Variants in CERKL observed in about 807,000 individuals in gnomAD.
The protein encoded by CERKL is ceramide kinase-like protein.
Under a neutral mutation model 63.4 loss-of-function variants are expected in CERKL, and 61 were observed. That is an observed-to-expected ratio of 0.96 (90% CI 0.78 to 1.19). CERKL has a LOEUF of 1.19. Among genes scored for constraint, CERKL ranks in the 50% most tolerant of loss-of-function variants. The pLI, the probability that CERKL is intolerant of heterozygous loss-of-function variation, is 0.00. For synonymous variants in CERKL, 250 were observed against 230.5 expected, an observed-to-expected ratio of 1.08 and a Z score of -0.77; for missense variants, 675 against 655.5, an observed-to-expected ratio of 1.03 and a Z score of -0.33.
At chr2:181,565,502 C>T (rs1180928247) in intron 4 of CERKL, 15 of 1,608,228 alleles carry the variant, frequency 9.3e-6, no homozygotes, top group East Asian at 6.7e-5. Context: ...CAATGGTTTC[C>T]GATGCCCACT....
chr2:181,566,028 T>A (rs187607846), intron 4 of CERKL, 30 bp downstream of exon 4: 2 of 1,399,618 alleles, frequency 1.4e-6, no homozygotes, highest in Admixed American at 3.4e-5. Flanking sequence ...ATAAATGATA[T>A]AACATATATT....
intron 1 of CERKL, among the ~76,000 whole-genome samples, chr2:181,634,921 C>G (rs947840678): frequency 6.6e-6 from 1 of 152,064 alleles, no homozygotes; most frequent in East Asian, 1.9e-4. Flanking sequence ...TTGGAACTAG[C>G]CATATCACAC....
intron 2 of CERKL, among the ~76,000 whole-genome samples, chr2:181,576,319 ATATTCT>A (rs145424316): frequency 0.36 from 55,216 of 151,574 alleles, 10,317 homozygotes; most frequent in African/African-American, 0.44. Context: ...AAATATTTAT[ATATTCT>A]TAAACTCTGT....
intron 1 of CERKL, among the ~76,000 whole-genome samples, chr2:181,656,266 A>G (rs1688150108): frequency 6.6e-6 from 1 of 152,224 alleles, no homozygotes; most frequent in Non-Finnish European, 1.5e-5. Context: ...AAACACTCCC[A>G]AAGCTCTGGA....
chr2:181,641,037 G>C lies in CERKL; in HGVS notation c.238+15732C>G, dbSNP rs569405271. On this transcript the variant is annotated intron_variant, in intron 1 of 12. Coordinates refer to ENST00000410087, the MANE Select transcript of CERKL (RefSeq NM_201548.5). Reference sequence around the variant, plus strand: ...CATAGCATATTTAGGAATAACATTAGTCTCCAGACGTTCACAGGGTCAGAG... The same window carrying C: ...CATAGCATATTTAGGAATAACATTACTCTCCAGACGTTCACAGGGTCAGAG... Among the ~76,000 whole-genome samples the C allele has an allele frequency of 5.3e-5, 8 of 152,288 alleles. 1 individual carries two copies. The South Asian group carries it at 1.7e-3, about 32-fold the overall frequency.
At chr2:181,599,045 G>A (rs963566840) in intron 2 of CERKL, among the ~76,000 whole-genome samples, 4 of 152,104 alleles carry the variant, frequency 2.6e-5, no homozygotes, top group Non-Finnish European at 4.4e-5. Flanking sequence ...TAACCAAGTT[G>A]AAAACTTTGA....
At chr2:181,555,454 T>G (rs1688162551) in intron 5 of CERKL, among the ~76,000 whole-genome samples, 1 of 152,194 alleles carries the variant, frequency 6.6e-6, no homozygotes, top group Non-Finnish European at 1.5e-5. Context: ...TTTTCCTATA[T>G]ACTCTAGAAT....
chr2:181,630,612 T>C (rs756557407), intron 1 of CERKL, among the ~76,000 whole-genome samples: 2 of 152,164 alleles, frequency 1.3e-5, no homozygotes, highest in African/African-American at 2.4e-5. Flanking sequence ...GTGAGGATGC[T>C]GTATGAAGGT....
At chr2:181,615,605 A>G (rs1477753901) in intron 1 of CERKL, among the ~76,000 whole-genome samples, 1 of 152,254 alleles carries the variant, frequency 6.6e-6, no homozygotes, top group Non-Finnish European at 1.5e-5. Context: ...TGGTTAAGCA[A>G]TGTGATGTCT....
At position 181,548,716 on chromosome 2, in the gene CERKL, C is replaced by G. The variant is rs1687845174; in HGVS notation, c.1037G>C (p.Arg346Thr). 6.2e-7 allele frequency: 1 copy of G among 1,613,926 alleles called. No homozygotes were observed. The highest frequency in any genetic ancestry group is 1.1e-5 in the South Asian group (1 of 91,094). ...KYRWMSPNQR[R>T]DFAVVKALAK... Reference sequence around the variant, plus strand: ...CAGTGCCTTAACAACAGCAAAATCTCTCCGTTGGTTAGGGGACATCCATCG... The same window carrying G: ...CAGTGCCTTAACAACAGCAAAATCTGTCCGTTGGTTAGGGGACATCCATCG... The change falls in exon 7 of 13, where the codon AGA becomes ACA. Residue 346 changes from arginine (R) to threonine (T), a missense_variant. Arg to Thr is a moderately conservative substitution (Grantham distance 71). Transcript: ENST00000410087.
chr2:181,656,665 G>C, intron 1 of CERKL, 104 bp downstream of exon 1: 1 of 1,003,148 alleles, frequency 1.0e-6, no homozygotes, highest in South Asian at 1.7e-5. Flanking sequence ...GAGGGGAGGC[G>C]AGAAAAGGGG....
chr2:181,652,294 C>G, intron 1 of CERKL, among the ~76,000 whole-genome samples: 1 of 152,034 alleles, frequency 6.6e-6, no homozygotes, highest in East Asian at 1.9e-4. Context: ...TAGCATAAAA[C>G]CAGACAGACC....
chr2:181,603,004 AT>A (rs1685521138), intron 2 of CERKL: 1 of 162,544 alleles, frequency 6.2e-6, no homozygotes, highest in Non-Finnish European at 1.4e-5. Context: ...TATGAATTTT[AT>A]TTAGTATGCA....
intron 1 of CERKL, chr2:181,617,140 C>T (rs1574502628): frequency 6.6e-6 from 1 of 152,216 alleles, no homozygotes; most frequent in South Asian, 2.1e-4. Context: ...TTTAAAAAAT[C>T]CAGTTTCATT....
At chr2:181,624,863 A>G (rs1023517754) in intron 1 of CERKL, among the ~76,000 whole-genome samples, 1 of 152,182 alleles carries the variant, frequency 6.6e-6, no homozygotes, top group Non-Finnish European at 1.5e-5. Flanking sequence ...GCAGGAGAAA[A>G]TGTGGAGTTT....
chr2:181,630,671 T>C (rs7599510), intron 1 of CERKL, among the ~76,000 whole-genome samples: 29,141 of 152,068 alleles, frequency 0.19, 4,260 homozygotes, highest in African/African-American at 0.41. Flanking sequence ...CCAACCCCAA[T>C]GGCACCTTGA....
At chr2:181,554,374 C>T (rs2105813146) in intron 5 of CERKL, among the ~76,000 whole-genome samples, 1 of 152,150 alleles carries the variant, frequency 6.6e-6, no homozygotes, top group East Asian at 1.9e-4. Context: ...CCTGAAATAT[C>T]ATAGAAATTA....
At chr2:181,566,145 A>G in intron 3 of CERKL, 24 bp from the exon 4 acceptor site, 2 of 1,563,182 alleles carry the variant, frequency 1.3e-6, no homozygotes, top group Non-Finnish European at 1.8e-6. Flanking sequence ...ACACACACAT[A>G]CACAAAGTGA....
chr2:181,549,252 CT>C (rs891840856), intron 6 of CERKL, among the ~76,000 whole-genome samples: 26 of 152,052 alleles, frequency 1.7e-4, no homozygotes, highest in African/African-American at 5.8e-4. Context: ...AAATTTTTTT[CT>C]GGTTATGTTT....
Sources: gnomAD v4.1 joint callset for allele counts (sites outside exome capture counted in the v4.1 genomes callset) on GRCh38, gnomAD v4.1.1 for gene constraint, MANE v1.5 for transcripts, NCBI Gene and HGNC (gene_info 2026-07-23, HGNC 2026-07-21) for gene names.